Variants in EYS observed in about 807,000 individuals in gnomAD.
EYS encodes the protein protein eyes shut homolog.
A neutral mutation model predicts 282.1 loss-of-function variants in EYS; 250 were observed. That is an observed-to-expected ratio of 0.89 (90% CI 0.80 to 0.98). The LOEUF is 0.98. Ranked by LOEUF, EYS falls within the 50% of genes least tolerant of loss-of-function variation. EYS has a pLI of 0.00. For synonymous variants in EYS, 1,355 were observed against 1,282.9 expected (o/e 1.06, Z -1.20); for missense variants, 4,016 against 3,709.0 (o/e 1.08, Z -2.15).
intron 22 of EYS, among the ~76,000 whole-genome samples, chr6:64,805,791 T>C (rs538992327): frequency 2.6e-5 from 4 of 151,494 alleles, no homozygotes; most frequent in Admixed American, 1.3e-4. Flanking sequence ...AAATTCTGAT[T>C]TGGAGAACTA....
At chr6:64,791,562 A>T (rs1281307380) in intron 22 of EYS, among the ~76,000 whole-genome samples, 2 of 151,942 alleles carry the variant, frequency 1.3e-5, no homozygotes, top group African/African-American at 4.8e-5. Context: ...AGCTATTTGG[A>T]CAGGAATGTG....
intron 31 of EYS, among the ~76,000 whole-genome samples, chr6:64,125,734 G>C (rs6912163): frequency 0.018 from 2,721 of 147,862 alleles, 73 homozygotes; most frequent in African/African-American, 0.064. Context: ...TGCAGTGAGA[G>C]GAGATCGCAC....
Position 65,657,779 on chromosome 6 carries a change from G to A in EYS, c.-447-17887C>T, listed in dbSNP as rs1272978637. ...CTCTAATTTTGAAAGAAGTTCTACTGTGGGTAAAATGTTATCAAATAGCAT... is the reference window on the plus strand; with the variant it reads ...CTCTAATTTTGAAAGAAGTTCTACTATGGGTAAAATGTTATCAAATAGCAT... On this transcript the variant is annotated intron_variant, in intron 1 of 42. Coordinates refer to ENST00000503581, the MANE Select transcript of EYS (RefSeq NM_001142800.2). 2.6e-5 allele frequency among the ~76,000 whole-genome samples: 4 copies of A among 151,966 alleles called. No homozygotes were observed. In the East Asian group the frequency reaches 7.7e-4, roughly 29 times the overall value.
intron 24 of EYS, among the ~76,000 whole-genome samples, chr6:64,596,962 C>G (rs2149835656): frequency 6.6e-6 from 1 of 152,032 alleles, no homozygotes; most frequent in African/African-American, 2.4e-5. Context: ...ACAATGCATC[C>G]AACAGGGAAC....
chr6:64,801,151 AATC>A, intron 22 of EYS, among the ~76,000 whole-genome samples: 1 of 152,244 alleles, frequency 6.6e-6, no homozygotes, highest in South Asian at 2.1e-4. Context: ...TTTAAAAAAA[AATC>A]ATCATTTTAG....
intron 22 of EYS, among the ~76,000 whole-genome samples, chr6:64,763,769 C>T (rs562704729): frequency 3.8e-4 from 58 of 152,224 alleles, no homozygotes; most frequent in African/African-American, 1.3e-3. Context: ...TAGTTACTTC[C>T]AAGATACAGT....
intron 31 of EYS, among the ~76,000 whole-genome samples, chr6:64,145,446 T>G (rs867627485): frequency 6.6e-6 from 1 of 152,018 alleles, no homozygotes; most frequent in African/African-American, 2.4e-5. Flanking sequence ...GTTCATTATA[T>G]GTAAAATGTT....
At chr6:64,000,405 A>G (rs1768039834) in intron 33 of EYS, among the ~76,000 whole-genome samples, 1 of 150,494 alleles carries the variant, frequency 6.6e-6, no homozygotes, top group Non-Finnish European at 1.5e-5. Context: ...GTGAGCCAGG[A>G]TGGTCTCGAT....
intron 26 of EYS, among the ~76,000 whole-genome samples, chr6:64,481,544 ATACT>A (rs1333655314): frequency 3.3e-5 from 5 of 151,534 alleles, no homozygotes; most frequent in African/African-American, 9.7e-5. Flanking sequence ...ACATATATAC[ATACT>A]TAAAGAAAAC....
At chr6:64,942,692 C>A (rs192771623) in intron 15 of EYS, among the ~76,000 whole-genome samples, 1 of 151,728 alleles carries the variant, frequency 6.6e-6, no homozygotes, top group Admixed American at 6.6e-5. Context: ...CCTGAAAACA[C>A]CAAGTTTTGA....
chr6:63,846,702 G>C (rs1212176001), intron 36 of EYS, among the ~76,000 whole-genome samples: 2 of 152,152 alleles, frequency 1.3e-5, no homozygotes, highest in African/African-American at 2.4e-5. Flanking sequence ...CACCAGTTAG[G>C]CTCTATAGTG....
intron 10 of EYS, among the ~76,000 whole-genome samples, 157 bp from the exon 11 acceptor site, chr6:65,335,303 G>A (rs1448165154): frequency 6.6e-6 from 1 of 151,762 alleles, no homozygotes; most frequent in African/African-American, 2.4e-5. Context: ...AGGGTTCAAA[G>A]CTTGGCTGGC....
At chr6:64,734,770 G>A (rs1166527254) in intron 22 of EYS, among the ~76,000 whole-genome samples, 1 of 152,094 alleles carries the variant, frequency 6.6e-6, no homozygotes, top group Admixed American at 6.5e-5. Context: ...ACAGGAAGGG[G>A]TATTACTGTG....
At chr6:65,277,530 C>G (rs557256012) in intron 12 of EYS, among the ~76,000 whole-genome samples, 1 of 152,010 alleles carries the variant, frequency 6.6e-6, no homozygotes, top group South Asian at 2.1e-4. Context: ...GTCTGCATTC[C>G]GGGAAAGAAC....
At chr6:64,139,548 C>T (rs1167930802) in intron 31 of EYS, among the ~76,000 whole-genome samples, 1 of 151,958 alleles carries the variant, frequency 6.6e-6, no homozygotes, top group African/African-American at 2.4e-5. Flanking sequence ...TTGAAAAGCT[C>T]CACATATTTA....
chr6:64,899,758 G>T (rs151139684), intron 18 of EYS, among the ~76,000 whole-genome samples: 122 of 152,144 alleles, frequency 8.0e-4, no homozygotes, highest in African/African-American at 2.9e-3. Context: ...AAAATTCCAC[G>T]CTCATGGATA....
chr6:65,148,478 C>T (rs1461976988), intron 12 of EYS, among the ~76,000 whole-genome samples: 2 of 152,116 alleles, frequency 1.3e-5, no homozygotes, highest in African/African-American at 4.8e-5. Context: ...TTCCCATGGC[C>T]TTGGGCAGCT....
intron 21 of EYS, among the ~76,000 whole-genome samples, chr6:64,818,753 A>G (rs1175576265): frequency 7.0e-6 from 1 of 143,524 alleles, no homozygotes; most frequent in Non-Finnish European, 1.5e-5. Flanking sequence ...ATTCTAGCTG[A>G]GCTGGCAGCT....
At chr6:64,974,542 C>G (rs994438391) in intron 14 of EYS, among the ~76,000 whole-genome samples, 12 of 151,780 alleles carry the variant, frequency 7.9e-5, no homozygotes, top group Non-Finnish European at 1.6e-4. Flanking sequence ...TGACTCTGCT[C>G]CAAAGTTTCC....
Sources: allele counts gnomAD v4.1 joint callset (sites outside exome capture counted in the v4.1 genomes callset), GRCh38; gene constraint gnomAD v4.1.1; transcripts MANE v1.5; gene names NCBI Gene and HGNC (gene_info 2026-07-23, HGNC 2026-07-21).